The following CHRM5 variants were observed in gnomAD, a reference collection of about 807,000 sequenced individuals.
CHRM5 encodes the protein muscarinic acetylcholine receptor M5.
Under a neutral mutation model 39.0 loss-of-function variants are expected in CHRM5, and 18 were observed. The observed-to-expected ratio is 0.46, with a 90% CI of 0.32 to 0.68. The LOEUF is 0.68. Ranked by LOEUF, CHRM5 falls within the 30% of genes least tolerant of loss-of-function variation. The pLI is 0.04. For synonymous variants in CHRM5, 241 were observed against 246.3 expected, an observed-to-expected ratio of 0.98 and a Z score of 0.20; for missense variants, 515 against 651.1, an observed-to-expected ratio of 0.79 and a Z score of 2.28.
intron 1 of CHRM5, among the ~76,000 whole-genome samples, chr15:34,034,445 T>TAA (rs769830072): frequency 2.3e-5 from 2 of 86,060 alleles, no homozygotes; most frequent in Admixed American, 1.2e-4. Context: ...AGTTTCTTTT[T>TAA]TAAAAAAAAA....
At chr15:33,999,676 C>T (rs1897064819) in intron 1 of CHRM5, among the ~76,000 whole-genome samples, 2 of 152,168 alleles carry the variant, frequency 1.3e-5, no homozygotes, top group African/African-American at 4.8e-5. Context: ...ACCACCTCCA[C>T]TGCTCTCCTC....
intron 1 of CHRM5, among the ~76,000 whole-genome samples, chr15:34,028,219 T>C (rs921113101): frequency 1.3e-5 from 2 of 152,208 alleles, no homozygotes; most frequent in African/African-American, 2.4e-5. Context: ...TATACACATA[T>C]GTTCATGTGT....
rs146988407 is a variant in CHRM5 at position 34,033,861 on chromosome 15, C to A, written c.-407-12679C>A. The stretch of plus-strand genomic sequence containing the variant: ...AAAGAGCAGTGGCGCAATTTCGGCT[C>A]ACTGCAACCTCCGCCTCCCAAGTTT... On this transcript the variant is annotated intron_variant, in intron 1 of 2. Coordinates refer to ENST00000383263, the MANE Select transcript of CHRM5 (RefSeq NM_012125.4). Among the ~76,000 whole-genome samples, 128 of 152,270 alleles carry A rather than the reference C, an allele frequency of 8.4e-4. 1 individual carries two copies. Among genetic ancestry groups the A allele is most frequent in the African/African-American group, 3.0e-3 (123 of 41,568 alleles).
intron 2 of CHRM5, among the ~76,000 whole-genome samples, chr15:34,052,297 C>A (rs938608494): frequency 4.6e-5 from 7 of 152,064 alleles, no homozygotes; most frequent in African/African-American, 1.7e-4. Context: ...AAATTTAAAT[C>A]CCTTCATATT....
intron 1 of CHRM5, among the ~76,000 whole-genome samples, chr15:34,026,212 C>T (rs1898465474): frequency 6.6e-6 from 1 of 151,978 alleles, no homozygotes; most frequent in South Asian, 2.1e-4. Context: ...AGTCTTATGA[C>T]ATCTTCCCAG....
chr15:34,007,756 C>G (rs1897419795), intron 1 of CHRM5, among the ~76,000 whole-genome samples: 2 of 152,162 alleles, frequency 1.3e-5, no homozygotes, highest in African/African-American at 2.4e-5. Flanking sequence ...TCTCTCAGTT[C>G]TGGAGGCTAG....
chr15:34,064,066 C>G lies in CHRM5; in HGVS notation c.1349C>G (p.Ala450Gly), dbSNP rs367796610. 1.2e-6 allele frequency: 2 copies of G among 1,614,172 alleles called. No individual in the cohort carries two copies. Among genetic ancestry groups the G allele is most frequent in the South Asian group, 1.1e-5 (1 of 91,072 alleles). Reference sequence around the variant, plus strand: ...CAGACACTGAGTGCCATTCTCCTGGCCTTCATCATCACATGGACCCCGTAT... The same window carrying G: ...CAGACACTGAGTGCCATTCTCCTGGGCTTCATCATCACATGGACCCCGTAT... ...AAQTLSAILL[A>G]FIITWTPYNI... is the part of the protein sequence containing the mutation. Residue 450 changes from alanine to glycine, a missense_variant, in exon 3 of 3, where the codon GCC becomes GGC. Physicochemically the swap from Ala to Gly is moderately conservative, Grantham distance 60. Coordinates refer to ENST00000383263, the MANE Select transcript of CHRM5 (RefSeq NM_012125.4).
chr15:34,014,499 T>A (rs1017729022), intron 1 of CHRM5, among the ~76,000 whole-genome samples: 7 of 146,654 alleles, frequency 4.8e-5, no homozygotes, highest in Non-Finnish European at 7.5e-5. Context: ...AAATCAAAAA[T>A]CCATGGGAAA....
chr15:33,992,307 G>A (rs1453755127), intron 1 of CHRM5, among the ~76,000 whole-genome samples: 1 of 152,016 alleles, frequency 6.6e-6, no homozygotes. Context: ...GGAGAATGGC[G>A]TCAGCCCGGG....
At chr15:34,000,283 G>A (rs966301804) in intron 1 of CHRM5, among the ~76,000 whole-genome samples, 1 of 152,176 alleles carries the variant, frequency 6.6e-6, no homozygotes, top group Non-Finnish European at 1.5e-5. Flanking sequence ...TCAACTCTGT[G>A]AGACAGGTGT....
chr15:34,059,402 G>A (rs886391277), intron 2 of CHRM5, among the ~76,000 whole-genome samples: 6 of 152,040 alleles, frequency 3.9e-5, no homozygotes, highest in South Asian at 2.1e-4. Context: ...TTCAGCAAGC[G>A]GTCAGATCAT....
intron 1 of CHRM5, among the ~76,000 whole-genome samples, chr15:34,011,951 C>T (rs1001381329): frequency 6.6e-6 from 1 of 152,146 alleles, no homozygotes; most frequent in African/African-American, 2.4e-5. Flanking sequence ...TTTTAAACTA[C>T]AGTTTGTGGA....
At chr15:33,975,273 A>C (rs1316619721) in intron 1 of CHRM5, among the ~76,000 whole-genome samples, 1 of 152,166 alleles carries the variant, frequency 6.6e-6, no homozygotes, top group African/African-American at 2.4e-5. Context: ...CAAGTTTTTG[A>C]TTCCATATAG....
chr15:34,008,434 A>G (rs1480793948), intron 1 of CHRM5, among the ~76,000 whole-genome samples: 1 of 151,496 alleles, frequency 6.6e-6, no homozygotes, highest in Non-Finnish European at 1.5e-5. Context: ...AAAGAAAAAA[A>G]AAAAGAAGAA....
intron 1 of CHRM5, among the ~76,000 whole-genome samples, chr15:34,033,455 G>A (rs1170625065): frequency 6.6e-6 from 1 of 150,994 alleles, no homozygotes; most frequent in African/African-American, 2.4e-5. Flanking sequence ...GCAGTGAGCC[G>A]AGATCGTGCC....
intron 1 of CHRM5, among the ~76,000 whole-genome samples, chr15:34,005,220 T>C (rs1172716807): frequency 6.6e-6 from 1 of 152,156 alleles, no homozygotes; most frequent in African/African-American, 2.4e-5. Context: ...TCATTTCATA[T>C]AACATCCAGG....
chr15:33,989,775 A>G (rs1302542420), intron 1 of CHRM5, among the ~76,000 whole-genome samples: 2 of 151,992 alleles, frequency 1.3e-5, no homozygotes, highest in Admixed American at 1.3e-4. Flanking sequence ...GATCAGAAGC[A>G]TTTATTTGCT....
intron 1 of CHRM5, among the ~76,000 whole-genome samples, chr15:33,999,410 T>G (rs891544733): frequency 6.6e-6 from 1 of 152,236 alleles, no homozygotes; most frequent in Non-Finnish European, 1.5e-5. Flanking sequence ...TGTCAAAGTG[T>G]TCAATTATAT....
intron 1 of CHRM5, among the ~76,000 whole-genome samples, chr15:34,039,766 A>G (rs1250447118): frequency 1.3e-5 from 2 of 152,220 alleles, no homozygotes; most frequent in Admixed American, 6.5e-5. Context: ...TTTCATTCTC[A>G]TAACAGCTCT....
Sources: gnomAD v4.1 joint callset for allele counts (sites outside exome capture counted in the v4.1 genomes callset) on GRCh38, gnomAD v4.1.1 for gene constraint, MANE v1.5 for transcripts, NCBI Gene and HGNC (gene_info 2026-07-23, HGNC 2026-07-21) for gene names.